EVI2B: variants seen among roughly 807,000 people sequenced by gnomAD.
The protein encoded by EVI2B is protein EVI2B.
In EVI2B, 4 loss-of-function variants were observed where a neutral mutation model predicts 6.6. That is an observed-to-expected ratio of 0.61 (90% CI 0.30 to 1.39). The LOEUF (loss-of-function observed/expected upper bound fraction) is 1.39. EVI2B is among the 40% of genes most tolerant of loss of function. The probability of loss-of-function intolerance (pLI) is 0.08; values close to 1 mark genes in which losing one functional copy is unlikely to be tolerated. For synonymous variants in EVI2B, 181 were observed against 186.8 expected (o/e 0.97, Z 0.25); for missense variants, 484 against 516.6 (o/e 0.94, Z 0.61).
In EVI2B at chr17:31,307,772, G is replaced by A. The variant is rs547062550; in HGVS notation, c.-21-2142C>T. The A allele has an allele frequency of 2.8e-5, 17 of 606,602 alleles. No individual in the cohort carries two copies. The East Asian group carries it at 9.5e-4, about 34-fold the overall frequency. The allele number at this position is 606,602 out of a possible 1,614,324, so 37.6% of individuals were successfully genotyped here. A position where few individuals can be genotyped will look rare whatever the true frequency, so the allele number is the denominator to read the frequency against. On this transcript the variant is annotated intron_variant, in intron 1 of 1. Transcript: ENST00000330927. Reference sequence around the variant, plus strand: ...TAACATTAGGGAATAGAAAATCTTAGGGTGTTAGATATTGGTATACATGAT... The same window carrying A: ...TAACATTAGGGAATAGAAAATCTTAAGGTGTTAGATATTGGTATACATGAT...
chr17:31,313,732 G>A (rs1305478293), intron 1 of EVI2B, among the ~76,000 whole-genome samples: 8 of 145,664 alleles, frequency 5.5e-5, no homozygotes, highest in Admixed American at 4.1e-4. Context: ...ATGTGTGTGT[G>A]TGTGTGTGTG....
intron 1 of EVI2B, among the ~76,000 whole-genome samples, chr17:31,313,310 A>G (rs983587798): frequency 6.6e-6 from 1 of 152,232 alleles, no homozygotes; most frequent in African/African-American, 2.4e-5. Flanking sequence ...TTTGGAGGTT[A>G]TAAATTCAGT....
rs868808379 is a variant in EVI2B at position 31,305,323 on chromosome 17, G to C, written c.287C>G (p.Thr96Ser). The C allele has an allele frequency of 1.2e-6, 2 of 1,614,058 alleles. No homozygotes were observed. The highest frequency in any genetic ancestry group is 2.2e-5 in the South Asian group (2 of 91,084). The change falls in exon 2 of 2, where the codon ACT becomes AGT. Residue 96 changes from threonine (T) to serine (S), a missense_variant. Physicochemically the swap from Thr to Ser is moderately conservative, Grantham distance 58 (BLOSUM62 1). Transcript: ENST00000330927. ...YTSSEKPEAH[T>S]SAGQPLAYNT... ...GTAGGCAAGTGGTTGTCCAGCAGAA[G>C]TATGTGCTTCTGGTTTTTCAGAAGA...
chr17:31,304,733 C>G lies in EVI2B; in HGVS notation c.877G>C (p.Glu293Gln), dbSNP rs2068661999. ...GAGTCTTCAATGTTTTCACTTGATT[C>G]AAACAACTTAATTTCTAAGTCATCT... ...LADDLEIKLF[E>Q]SSENIEDSNN... The change falls in exon 2 of 2, where the codon GAA becomes CAA. Residue 293 changes from glutamate (E) to glutamine (Q), a missense_variant. Coordinates refer to ENST00000330927, the MANE Select transcript of EVI2B (RefSeq NM_006495.4). 1 of 1,614,140 alleles carries G rather than the reference C, an allele frequency of 6.2e-7. No individual in the cohort carries two copies. The highest frequency in any genetic ancestry group is 8.5e-7 in the Non-Finnish European group (1 of 1,180,014).
chr17:31,311,474 G>A (rs2068874076), intron 1 of EVI2B, among the ~76,000 whole-genome samples: 1 of 152,108 alleles, frequency 6.6e-6, no homozygotes, highest in African/African-American at 2.4e-5. Flanking sequence ...AAATTTAGCA[G>A]TAGTATTATC....
intron 1 of EVI2B, among the ~76,000 whole-genome samples, chr17:31,310,420 A>AT (rs2068839258): frequency 6.7e-6 from 1 of 148,218 alleles, no homozygotes; most frequent in South Asian, 2.3e-4. Flanking sequence ...AGTAGGCAAA[A>AT]TGAAGTTGGG....
rs2068659897 is a variant in EVI2B, at chr17:31,304,667, C to T, written c.943G>A (p.Gly315Ser). The T allele has an allele frequency of 1.9e-6, 3 of 1,614,096 alleles. No individual in the cohort carries two copies. Among genetic ancestry groups the T allele is most frequent in the Non-Finnish European group, 2.5e-6 (3 of 1,180,008 alleles). ...KTEKIKDQVN[G>S]TSEDSADGST... Reference sequence around the variant, plus strand: ...CCATCAGCACTATCTTCTGATGTACCATTTACTTGATCTTTTATTTTCTCT... The same window carrying T: ...CCATCAGCACTATCTTCTGATGTACTATTTACTTGATCTTTTATTTTCTCT... The change falls in exon 2 of 2, where the codon GGT becomes AGT. Residue 315 changes from glycine (G) to serine (S), a missense_variant. Gly to Ser is a moderately conservative substitution (Grantham distance 56). Coordinates refer to ENST00000330927, the MANE Select transcript of EVI2B (RefSeq NM_006495.4).
intron 1 of EVI2B, among the ~76,000 whole-genome samples, chr17:31,312,432 C>T (rs893211729): frequency 6.6e-6 from 1 of 151,340 alleles, no homozygotes; most frequent in African/African-American, 2.4e-5. Flanking sequence ...AATCTCTTGA[C>T]CCTGGGAGGC....
rs2068673488 is a variant in EVI2B, at chr17:31,305,015, T to G, written c.595A>C (p.Asn199His). ...AGTATGGCAGCTATTGAATTATAAT[T>G]GTTTTTTTGTGGGGTTTGTTTGTTA... ...TSNKQTPQKN[N>H]YNSIAAILIG... is the part of the protein sequence containing the mutation. The change falls in exon 2 of 2, where the codon AAT (asparagine) becomes CAT (histidine). Residue 199 changes from asparagine (N) to histidine (H), a missense_variant. By Grantham distance (68) the Asn-to-His change is moderately conservative (BLOSUM62 1). Transcript: ENST00000330927. The G allele has an allele frequency of 6.2e-7, 1 of 1,614,170 alleles. No individual in the cohort carries two copies. Among genetic ancestry groups the G allele is most frequent in the East Asian group, 2.2e-5 (1 of 44,884 alleles).
At chr17:31,313,849 A>T (rs1490545387) in intron 1 of EVI2B, 130 bp downstream of exon 1, 2 of 390,650 alleles carry the variant, frequency 5.1e-6, no homozygotes, top group East Asian at 7.3e-5. Flanking sequence ...ATTCTATGCA[A>T]CAAAACCACA....
intron 1 of EVI2B, among the ~76,000 whole-genome samples, chr17:31,308,731 C>T (rs372684922): frequency 6.6e-6 from 1 of 152,014 alleles, no homozygotes; most frequent in East Asian, 1.9e-4. Flanking sequence ...TTAAATTCCC[C>T]TTCTTAACCC....
intron 1 of EVI2B, among the ~76,000 whole-genome samples, chr17:31,311,250 G>A (rs867026530): frequency 6.6e-6 from 1 of 152,050 alleles, no homozygotes; most frequent in African/African-American, 2.4e-5. Context: ...ACCGAGCCCG[G>A]CCATAGACAT....
At chr17:31,313,782 T>G (rs1451164661) in intron 1 of EVI2B, among the ~76,000 whole-genome samples, 197 bp downstream of exon 1, 1 of 150,216 alleles carries the variant, frequency 6.7e-6, no homozygotes, top group Non-Finnish European at 1.5e-5. Context: ...TTAAAAGGTC[T>G]TATACAAACC....
intron 1 of EVI2B, among the ~76,000 whole-genome samples, chr17:31,311,413 G>A (rs541040412): frequency 6.6e-6 from 1 of 152,184 alleles, no homozygotes; most frequent in Non-Finnish European, 1.5e-5. Context: ...ATAGATAGCT[G>A]TATCAATTAC....
chr17:31,312,494 G>C (rs1174059872), intron 1 of EVI2B, among the ~76,000 whole-genome samples: 2 of 150,640 alleles, frequency 1.3e-5, no homozygotes, highest in East Asian at 3.9e-4. Flanking sequence ...ACACCAGCCT[G>C]GGTGACAGAG....
In EVI2B at chr17:31,311,173, G is replaced by C. The variant is rs557308347; in HGVS notation, c.-22+2806C>G. Among the ~76,000 whole-genome samples the C allele has an allele frequency of 4.6e-5, 7 of 152,006 alleles. No individual in the cohort carries two copies. In the East Asian group the frequency reaches 1.4e-3, roughly 29 times the overall value. ...TCACCATGTCACCCAGACTTGCCTT[G>C]AACTCCTGGACTCAAGTGACCCACC... On this transcript the variant is annotated intron_variant, in intron 1 of 1. Transcript: ENST00000330927.
In EVI2B at chr17:31,304,630, C is replaced by G. The variant is rs150905221; in HGVS notation, c.980G>C (p.Gly327Ala). Residue 327 changes from glycine to alanine, a missense_variant, in exon 2 of 2, where the codon GGA (glycine) becomes GCA (alanine). Physicochemically the swap from Gly to Ala is moderately conservative, Grantham distance 60 (BLOSUM62 0). Coordinates refer to ENST00000330927, the MANE Select transcript of EVI2B (RefSeq NM_006495.4). ...SEDSADGSTV[G>A]TAVSSSDDAD... ...ATCATCTGAAGAAGAAACAGCAGTT[C>G]CAACTGTTGAACCATCAGCACTATC... is the stretch of plus-strand genomic sequence containing the variant. The G allele has an allele frequency of 9.2e-5, 149 of 1,614,000 alleles. No homozygotes were observed. The highest frequency in any genetic ancestry group is 6.0e-5 in the Non-Finnish European group (71 of 1,180,014).
rs1015383224 is a variant in EVI2B at position 31,307,940 on chromosome 17, C to T, written c.-21-2310G>A. 1.3e-5 allele frequency: 17 copies of T among 1,287,558 alleles called. No homozygotes were observed. In the East Asian group the frequency reaches 7.2e-4, roughly 55 times the overall value. The allele number at this position is 1,287,558 out of a possible 1,614,324, so 79.8% of individuals were successfully genotyped here. A position where few individuals can be genotyped will look rare whatever the true frequency, so the allele number is the denominator to read the frequency against. On this transcript the variant is annotated intron_variant, in intron 1 of 1. Transcript: ENST00000330927. ...TTGCTTACTCCTCTACCACTTGGTA[C>T]ACAGTGATGATAAATGGCCCTGTTT...
At position 31,304,309 on chromosome 17, in the gene EVI2B, T is replaced by G; in HGVS notation, c.1301A>C (p.Gln434Pro). ...QEFSIPPNSD[Q>P]DLNESLPPPP... ...AGGTGGCAGGGATTCATTAAGATCT[T>G]GATCAGAGTTGGGAGGAATAGAGAA... Residue 434 changes from glutamine (Q) to proline (P), a missense_variant, in exon 2 of 2, where the codon CAA becomes CCA. Gln to Pro is a moderately conservative substitution (Grantham distance 76). Transcript: ENST00000330927. 6.2e-7 allele frequency: 1 copy of G among 1,613,816 alleles called. No homozygotes were observed. Among genetic ancestry groups the G allele is most frequent in the Non-Finnish European group, 8.5e-7 (1 of 1,179,874 alleles).
Sources: gnomAD v4.1 joint callset for allele counts (sites outside exome capture counted in the v4.1 genomes callset) on GRCh38, gnomAD v4.1.1 for gene constraint, MANE v1.5 for transcripts, NCBI Gene and HGNC (gene_info 2026-07-23, HGNC 2026-07-21) for gene names.